RALGAPA1: variants seen among roughly 807,000 people sequenced by gnomAD.
The protein encoded by RALGAPA1 is ral GTPase-activating protein subunit alpha-1.
RALGAPA1 carries 52 observed loss-of-function variants against 269.6 expected under a neutral mutation model. The ratio of observed to expected loss-of-function variants is 0.19; its 90% CI spans 0.15 to 0.24. The LOEUF (loss-of-function observed/expected upper bound fraction) is 0.24, where lower values mean the gene tolerates loss of function less well. Among genes scored for constraint, RALGAPA1 ranks in the 10% least tolerant of loss-of-function variants. RALGAPA1 has a pLI of 1.00. For missense variants in RALGAPA1, 1,917 were observed against 3,013.9 expected (o/e 0.64, Z 8.52); for synonymous variants, 817 against 1,008.3 (o/e 0.81, Z 3.60).
rs1041635211 is a variant in RALGAPA1, at chr14:35,538,795, C to G, written c.*919G>C. On this transcript the variant is annotated 3_prime_UTR_variant, in exon 42 of 42. Coordinates refer to ENST00000680220, the MANE Select transcript of RALGAPA1 (RefSeq NM_001346249.2). ...AGAACATAGAAACACCAGGATCTAG[C>G]AGCCAATAATAAAAGGCCACAATCT... 6.7e-6 allele frequency: 1 copy of G among 149,008 alleles called. No individual in the cohort carries two copies. Among genetic ancestry groups the G allele is most frequent in the African/African-American group, 2.5e-5 (1 of 40,252 alleles). 9.2% of individuals were successfully genotyped at this position (149,008 alleles called of 1,614,324 possible).
At chr14:35,793,238 C>CT (rs762905743) in intron 1 of RALGAPA1, among the ~76,000 whole-genome samples, 5,951 of 140,976 alleles carry the variant, frequency 0.042, 319 homozygotes, top group African/African-American at 0.12. Flanking sequence ...CCAAAGTCTA[C>CT]TTTTTTTTTT....
At chr14:35,746,947 G>T (rs2072170160) in intron 10 of RALGAPA1, among the ~76,000 whole-genome samples, 1 of 151,328 alleles carries the variant, frequency 6.6e-6, no homozygotes, top group East Asian at 1.9e-4. Flanking sequence ...AGAAAGAAAA[G>T]ACTAATAAAA....
chr14:35,774,845 T>A (rs1206388911), intron 3 of RALGAPA1, among the ~76,000 whole-genome samples, 161 bp downstream of exon 3: 1 of 152,170 alleles, frequency 6.6e-6, no homozygotes, highest in Non-Finnish European at 1.5e-5. Flanking sequence ...TCAAAAAGTA[T>A]AGGATTCAGT....
At chr14:35,584,366 G>C (rs1302971670) in intron 37 of RALGAPA1, among the ~76,000 whole-genome samples, 1 of 152,030 alleles carries the variant, frequency 6.6e-6, no homozygotes, top group Non-Finnish European at 1.5e-5. Flanking sequence ...CCAAGCTCAG[G>C]TGATCCTCTC....
chr14:35,559,463 A>T (rs1341410652), intron 39 of RALGAPA1, among the ~76,000 whole-genome samples: 3 of 152,178 alleles, frequency 2.0e-5, no homozygotes, highest in Non-Finnish European at 4.4e-5. Flanking sequence ...GTGCACAGTC[A>T]TCACAAACTG....
At chr14:35,755,834 T>G (rs189231368) in intron 7 of RALGAPA1, among the ~76,000 whole-genome samples, 2 of 152,320 alleles carry the variant, frequency 1.3e-5, no homozygotes, top group African/African-American at 2.4e-5. Flanking sequence ...CCAAATTAAC[T>G]TTATAATGTT....
chr14:35,694,854 A>G lies in RALGAPA1; in HGVS notation c.2408-4851T>C, dbSNP rs1181462230. Among the ~76,000 whole-genome samples the G allele has an allele frequency of 2.6e-5, 4 of 152,146 alleles. No homozygotes were observed. The East Asian group carries it at 7.7e-4, about 29-fold the overall frequency. Reference sequence around the variant, plus strand: ...CACTTTGGGAGGCCCAGGTGGGTGGACCACCTGAGGTCAAGAGTTCGAGAT... The same window carrying G: ...CACTTTGGGAGGCCCAGGTGGGTGGGCCACCTGAGGTCAAGAGTTCGAGAT... On this transcript the variant is annotated intron_variant, in intron 17 of 41. Transcript: ENST00000680220.
At chr14:35,585,999 GTA>G (rs2058256763) in intron 37 of RALGAPA1, among the ~76,000 whole-genome samples, 5 of 152,190 alleles carry the variant, frequency 3.3e-5, no homozygotes, top group African/African-American at 1.2e-4. Context: ...AAAGTCATTT[GTA>G]GCTTGATGGG....
rs1305858725 is a variant in RALGAPA1 at position 35,801,466 on chromosome 14, G to C, written c.106+7264C>G. 3.3e-5 allele frequency among the ~76,000 whole-genome samples: 5 copies of C among 152,160 alleles called. No individual in the cohort carries two copies. In the East Asian group the frequency reaches 9.7e-4, roughly 29 times the overall value. ...TATTTTTAGTTCACACAGGGTTTCA[G>C]TATGTTGGTCAGGCTGGTCTCGAAC... is the stretch of plus-strand genomic sequence containing the variant. On this transcript the variant is annotated intron_variant, in intron 1 of 41. Transcript: ENST00000680220.
intron 37 of RALGAPA1, among the ~76,000 whole-genome samples, chr14:35,584,673 A>C (rs1441779864): frequency 6.6e-6 from 1 of 152,168 alleles, no homozygotes; most frequent in African/African-American, 2.4e-5. Context: ...AAGAAGCATA[A>C]TTGATATGTT....
intron 39 of RALGAPA1, among the ~76,000 whole-genome samples, chr14:35,569,568 TTTGAGTTTA>T (rs779552147): frequency 3.3e-5 from 5 of 152,166 alleles, no homozygotes; most frequent in Non-Finnish European, 7.4e-5. Flanking sequence ...ATGGCCAGCA[TTTGAGTTTA>T]GGCAATCTGG....
chr14:35,689,276 CT>C lies in RALGAPA1; in HGVS notation c.3134del (p.Gln1045ArgfsTer7). On this transcript the variant is annotated frameshift_variant, in exon 18 of 42. Transcript: ENST00000680220. LOFTEE classifies it high-confidence loss of function. ...GGCTATCTAAACTAGGCTCTGATGG[CT>C]GTTTATCAGTGTTTAGTTGCTTAGA... is the stretch of plus-strand genomic sequence containing the variant. ...EKSKQLNTDK[Q>X]PSEPSLDSPC... 8.1e-7 allele frequency: 1 copy of C among 1,232,130 alleles called. No individual in the cohort carries two copies. The allele number at this position is 1,232,130 out of a possible 1,614,324, so 76.3% of individuals were successfully genotyped here. A position where few individuals can be genotyped will look rare whatever the true frequency, so the allele number is the denominator to read the frequency against.
chr14:35,688,491 T>C lies in RALGAPA1; in HGVS notation c.3920A>G (p.His1307Arg). ...TTTCCTTCCAAAATAGCCCATTACATGACTGTACAGATCCCTCAGTGGAGC... is the reference window on the plus strand; with the variant it reads ...TTTCCTTCCAAAATAGCCCATTACACGACTGTACAGATCCCTCAGTGGAGC... Reference protein sequence around the residue: ...PEAPLRDLYSHVMGYFGRKAA... With the variant: ...PEAPLRDLYSRVMGYFGRKAA... The change falls in exon 18 of 42, where the codon CAT (histidine) becomes CGT (arginine). Residue 1307 changes from histidine to arginine, a missense_variant. By Grantham distance (29) the His-to-Arg change is conservative (BLOSUM62 0). Around this residue, in one of 11 missense-constraint regions of RALGAPA1, gnomAD observed 615 missense variants for 790.0 expected, o/e 0.78. Transcript: ENST00000680220. 1 of 1,536,156 alleles carries C rather than the reference T, an allele frequency of 6.5e-7. No homozygotes were observed. Among genetic ancestry groups the C allele is most frequent in the Non-Finnish European group, 8.7e-7 (1 of 1,146,896 alleles).
At chr14:35,700,042 CT>C (rs1482041310) in intron 17 of RALGAPA1, 119 bp downstream of exon 17, 9 of 873,646 alleles carry the variant, frequency 1.0e-5, no homozygotes, top group African/African-American at 3.4e-5. Flanking sequence ...CACTTTCCCA[CT>C]TTCCCACACC....
At chr14:35,794,859 C>T (rs1667527607) in intron 1 of RALGAPA1, among the ~76,000 whole-genome samples, 2 of 152,134 alleles carry the variant, frequency 1.3e-5, no homozygotes, top group African/African-American at 4.8e-5. Context: ...ATATTTTACT[C>T]AGAAAGATAT....
chr14:35,552,173 G>A (rs961584630), intron 39 of RALGAPA1, among the ~76,000 whole-genome samples: 4 of 149,558 alleles, frequency 2.7e-5, no homozygotes, highest in South Asian at 4.2e-4. Context: ...ATCCCCCCCC[G>A]GCCCCCGCTT....
At chr14:35,642,730 T>G (rs11849830) in intron 31 of RALGAPA1, among the ~76,000 whole-genome samples, 2 of 151,930 alleles carry the variant, frequency 1.3e-5, no homozygotes, top group Non-Finnish European at 2.9e-5. Flanking sequence ...CACTTTTACA[T>G]GGTTGGAGTG....
At chr14:35,636,169 C>T (rs1267558109) in intron 31 of RALGAPA1, among the ~76,000 whole-genome samples, 1 of 151,948 alleles carries the variant, frequency 6.6e-6, no homozygotes, top group African/African-American at 2.4e-5. Context: ...CCTCAGACTT[C>T]CAAATAGCTG....
chr14:35,712,400 T>C (rs1292856231), intron 16 of RALGAPA1, among the ~76,000 whole-genome samples: 2 of 152,198 alleles, frequency 1.3e-5, no homozygotes, highest in East Asian at 3.8e-4. Flanking sequence ...TTTCATTCTT[T>C]ATAAATAATT....
Sources: allele counts gnomAD v4.1 joint callset (sites outside exome capture counted in the v4.1 genomes callset), GRCh38; gene constraint gnomAD v4.1.1; regional missense constraint gnomAD v4.1.1; transcripts MANE v1.5; gene names NCBI Gene and HGNC (gene_info 2026-07-23, HGNC 2026-07-21).